PLPPR1: variants seen among roughly 807,000 people sequenced by gnomAD.
PLPPR1 encodes phospholipid phosphatase related 1.
In PLPPR1, 10 loss-of-function variants were observed where a neutral mutation model predicts 33.1. That is an observed-to-expected ratio of 0.30 (90% CI 0.19 to 0.51). The LOEUF (loss-of-function observed/expected upper bound fraction) is 0.51. Among genes scored for constraint, PLPPR1 ranks in the 20% least tolerant of loss-of-function variants. The pLI is 0.97. For missense variants in PLPPR1, 304 were observed against 408.1 expected (o/e 0.74, Z 2.20); for synonymous variants, 151 against 151.0 (o/e 1.00, Z 0.00).
At chr9:101,195,180 A>G (rs911099718) in intron 2 of PLPPR1, among the ~76,000 whole-genome samples, 2 of 152,168 alleles carry the variant, frequency 1.3e-5, no homozygotes, top group African/African-American at 4.8e-5. Context: ...AGGCTTTTAT[A>G]GCTTCATATT....
intron 7 of PLPPR1, among the ~76,000 whole-genome samples, chr9:101,323,475 A>G (rs998763379): frequency 1.3e-5 from 2 of 151,646 alleles, no homozygotes; most frequent in African/African-American, 4.8e-5. Flanking sequence ...GTCTCAAAAA[A>G]AAAAAAAAAA....
chr9:101,086,589 A>G (rs1027768367), intron 1 of PLPPR1, among the ~76,000 whole-genome samples: 1 of 152,192 alleles, frequency 6.6e-6, no homozygotes, highest in Admixed American at 6.5e-5. Context: ...ATACATTACT[A>G]TGTCAACCAC....
intron 1 of PLPPR1, among the ~76,000 whole-genome samples, chr9:101,106,627 T>C (rs1830974863): frequency 1.4e-5 from 1 of 72,982 alleles, no homozygotes; most frequent in Non-Finnish European, 2.4e-5. Context: ...ATTATGTGTC[T>C]GGGAGTTGCT....
intron 1 of PLPPR1, among the ~76,000 whole-genome samples, chr9:101,167,410 T>C (rs1781842880): frequency 6.6e-6 from 1 of 151,214 alleles, no homozygotes; most frequent in Non-Finnish European, 1.5e-5. Flanking sequence ...CTGTCTAATA[T>C]ACTGGAACCA....
intron 1 of PLPPR1, among the ~76,000 whole-genome samples, chr9:101,093,103 C>A (rs1235075237): frequency 6.6e-6 from 1 of 152,162 alleles, no homozygotes; most frequent in Non-Finnish European, 1.5e-5. Context: ...GACATACTCT[C>A]ACTACTTTCT....
intron 2 of PLPPR1, among the ~76,000 whole-genome samples, chr9:101,261,617 C>A (rs573219524): frequency 6.6e-6 from 1 of 152,180 alleles, no homozygotes; most frequent in South Asian, 2.1e-4. Flanking sequence ...CAATGATAGA[C>A]TGGATAAATA....
At chr9:101,134,721 A>G (rs928883853) in intron 1 of PLPPR1, among the ~76,000 whole-genome samples, 8 of 152,158 alleles carry the variant, frequency 5.3e-5, no homozygotes, top group South Asian at 2.1e-4. Flanking sequence ...TCAATTGTTC[A>G]GTGTATGGCA....
chr9:101,304,581 T>C (rs1185487496), intron 4 of PLPPR1, among the ~76,000 whole-genome samples: 1 of 152,212 alleles, frequency 6.6e-6, no homozygotes, highest in Non-Finnish European at 1.5e-5. Flanking sequence ...TAGTCTAAAA[T>C]AGGAGATTTT....
At chr9:101,292,004 G>A (rs1027702096) in intron 4 of PLPPR1, among the ~76,000 whole-genome samples, 3 of 152,028 alleles carry the variant, frequency 2.0e-5, no homozygotes, top group Non-Finnish European at 4.4e-5. Flanking sequence ...AGCTACAGGA[G>A]GAAATTCAAA....
intron 1 of PLPPR1, among the ~76,000 whole-genome samples, chr9:101,142,864 G>C (rs1408671379): frequency 2.0e-5 from 3 of 152,114 alleles, no homozygotes; most frequent in Non-Finnish European, 4.4e-5. Flanking sequence ...ATTGTGATAA[G>C]TACTATGACA....
chr9:101,207,116 T>G (rs972720513), intron 2 of PLPPR1, among the ~76,000 whole-genome samples: 10 of 152,224 alleles, frequency 6.6e-5, no homozygotes, highest in Non-Finnish European at 1.5e-4. Context: ...TGCCTACTTT[T>G]TTATTGTGTG....
At chr9:101,258,528 C>T (rs116566554) in intron 2 of PLPPR1, among the ~76,000 whole-genome samples, 2,327 of 152,238 alleles carry the variant, frequency 0.015, 51 homozygotes, top group African/African-American at 0.051. Flanking sequence ...AAAGATATAG[C>T]GGAACTATAA....
At chr9:101,223,585 T>C (rs1826999063) in intron 2 of PLPPR1, among the ~76,000 whole-genome samples, 1 of 152,128 alleles carries the variant, frequency 6.6e-6, no homozygotes, top group African/African-American at 2.4e-5. Context: ...GGTAATTGAA[T>C]TATGGGGGCA....
intron 2 of PLPPR1, among the ~76,000 whole-genome samples, chr9:101,230,054 A>G (rs1027046213): frequency 6.6e-6 from 1 of 152,142 alleles, no homozygotes; most frequent in African/African-American, 2.4e-5. Context: ...AGATGTATAC[A>G]GGCTTCTCCC....
At chr9:101,112,098 T>G (rs1234911037) in intron 1 of PLPPR1, among the ~76,000 whole-genome samples, 1 of 152,190 alleles carries the variant, frequency 6.6e-6, no homozygotes, top group African/African-American at 2.4e-5. Context: ...AGAATCATAT[T>G]TAAAGACAAT....
intron 6 of PLPPR1, 101 bp from the exon 7 acceptor site, chr9:101,317,264 T>C: frequency 7.8e-7 from 1 of 1,276,978 alleles, no homozygotes; most frequent in Non-Finnish European, 1.1e-6. Flanking sequence ...AAAAGGTCAC[T>C]CTGGTGATGA....
chr9:101,128,502 T>G (rs1831274892), intron 1 of PLPPR1, among the ~76,000 whole-genome samples: 3 of 152,214 alleles, frequency 2.0e-5, no homozygotes, highest in African/African-American at 7.2e-5. Flanking sequence ...CCATTTGCTG[T>G]TTTAAAGGCA....
rs1191359913 is a variant in PLPPR1 at position 101,169,090 on chromosome 9, A to ACAACATAT, written c.-45-16359_-45-16352dup. 2.0e-5 allele frequency among the ~76,000 whole-genome samples: 3 copies of ACAACATAT among 152,306 alleles called. No individual in the cohort carries two copies. The East Asian group carries it at 5.8e-4, about 29-fold the overall frequency. On this transcript the variant is annotated intron_variant, in intron 1 of 7. Transcript: ENST00000374874. ...CATTACTTTTAAGTTGAGAGCAATG[A>ACAACATAT]CAACATATTCTTGGCCTATTTTCTC...
chr9:101,240,124 T>G (rs1827432379), intron 2 of PLPPR1, among the ~76,000 whole-genome samples: 2 of 152,062 alleles, frequency 1.3e-5, no homozygotes, highest in Non-Finnish European at 2.9e-5. Flanking sequence ...AGATCCAGTT[T>G]TTTTCTGCAT....
Sources: gnomAD v4.1 joint callset for allele counts (sites outside exome capture counted in the v4.1 genomes callset) on GRCh38, gnomAD v4.1.1 for gene constraint, MANE v1.5 for transcripts, NCBI Gene and HGNC (gene_info 2026-07-23, HGNC 2026-07-21) for gene names.